PC: variants seen among roughly 807,000 people sequenced by gnomAD.
PC encodes pyruvate carboxylase, also known as pyruvate carboxylase, mitochondrial.
A neutral mutation model predicts 107.8 loss-of-function variants in PC; 46 were observed. That is an observed-to-expected ratio of 0.43 (90% confidence interval 0.34 to 0.55). The LOEUF (loss-of-function observed/expected upper bound fraction) is 0.55. Ranked by LOEUF, PC falls within the 20% of genes least tolerant of loss-of-function variation. The pLI is 0.04. For missense variants in PC, 1,241 were observed against 1,643.1 expected, an observed-to-expected ratio of 0.76 and a Z score of 4.23; for synonymous variants, 662 against 684.7, an observed-to-expected ratio of 0.97 and a Z score of 0.52.
chr11:66,932,998 T>C (rs1948899844), intron 3 of PC, among the ~76,000 whole-genome samples: 1 of 152,178 alleles, frequency 6.6e-6, no homozygotes, highest in African/African-American at 2.4e-5. Context: ...TCTTCCACCA[T>C]GCACCTAAAA....
Position 66,850,267 on chromosome 11 carries a change from T to G in PC, c.2671A>C (p.Lys891Gln), listed in dbSNP as rs1945399307. ...MGLGSKFKEVKKAYVEANQML... is the reference protein window; with the variant it reads ...MGLGSKFKEVQKAYVEANQML... The stretch of plus-strand genomic sequence containing the variant: ...TGGTTGGCCTCCACATAGGCCTTCT[T>G]GACCTCCTTGAACTTGGAGCCAAGC... Residue 891 changes from lysine (K) to glutamine (Q), a missense_variant, in exon 19 of 23, where the codon AAG (lysine) becomes CAG (glutamine). Physicochemically the swap from Lys to Gln is moderately conservative, Grantham distance 53. Coordinates refer to ENST00000393960, the MANE Select transcript of PC (RefSeq NM_001040716.2). 1 of 1,614,018 alleles carries G rather than the reference T, an allele frequency of 6.2e-7. No individual in the cohort carries two copies. Among genetic ancestry groups the G allele is most frequent in the Non-Finnish European group, 8.5e-7 (1 of 1,180,026 alleles).
intron 3 of PC, among the ~76,000 whole-genome samples, chr11:66,939,382 A>G (rs1028611519): frequency 5.3e-5 from 8 of 151,808 alleles, no homozygotes; most frequent in Admixed American, 1.3e-4. Flanking sequence ...TGGCATCCAT[A>G]GGGGGGTCTT....
chr11:66,859,755 A>G lies in PC; in HGVS notation c.1368+4019T>C, dbSNP rs145706724. 5 of 1,608,504 alleles carry G rather than the reference A, an allele frequency of 3.1e-6. No homozygotes were observed. The South Asian group carries it at 5.5e-5, about 18-fold the overall frequency. On this transcript the variant is annotated intron_variant, in intron 12 of 22. Coordinates refer to ENST00000393960, the MANE Select transcript of PC (RefSeq NM_001040716.2). The stretch of plus-strand genomic sequence containing the variant: ...TGGGCCCTCTGACCTCACGGCCACC[A>G]GGCTGCTGGGCTGTGCCCATTTCTC...
At chr11:66,869,273 C>T (rs918601492) in intron 9 of PC, among the ~76,000 whole-genome samples, 1 of 151,960 alleles carries the variant, frequency 6.6e-6, no homozygotes, top group Non-Finnish European at 1.5e-5. Flanking sequence ...TGCCCTGCTG[C>T]CTCCTGGGCT....
In PC at chr11:66,851,171, C is replaced by G. The variant is rs1213215560; in HGVS notation, c.2092G>C (p.Gly698Arg). 2 of 1,612,050 alleles carry G rather than the reference C, an allele frequency of 1.2e-6. No individual in the cohort carries two copies. Residue 698 changes from glycine to arginine, a missense_variant, in exon 17 of 23, where the codon GGC becomes CGC. Coordinates refer to ENST00000393960, the MANE Select transcript of PC (RefSeq NM_001040716.2). ...TATGAGATGGCAGCCTCCACCACGC[C>G]TCCGGCACTTCCTGCCGCCTCCATG... ...LGMEAAGSAGGVVEAAISYTG... is the reference protein window; with the variant it reads ...LGMEAAGSAGRVVEAAISYTG...
At chr11:66,888,293 C>T (rs1425676428) in intron 3 of PC, among the ~76,000 whole-genome samples, 1 of 152,170 alleles carries the variant, frequency 6.6e-6, no homozygotes, top group East Asian at 1.9e-4. Flanking sequence ...AAAACGCTTC[C>T]CAAGCTGGAG....
intron 3 of PC, among the ~76,000 whole-genome samples, chr11:66,882,885 C>A (rs1947233136): frequency 6.6e-6 from 1 of 152,210 alleles, no homozygotes; most frequent in African/African-American, 2.4e-5. Context: ...GATATCAAAG[C>A]ACCCAAGAGA....
chr11:66,897,160 CTGACCTCAGG>C (rs1555036934), intron 3 of PC, among the ~76,000 whole-genome samples: 1 of 152,172 alleles, frequency 6.6e-6, no homozygotes, highest in Non-Finnish European at 1.5e-5. Flanking sequence ...TCTCGAGCTC[CTGACCTCAGG>C]TGATCCACCT....
chr11:66,902,188 T>C (rs2136045850), intron 3 of PC, among the ~76,000 whole-genome samples: 1 of 152,332 alleles, frequency 6.6e-6, no homozygotes, highest in Non-Finnish European at 1.5e-5. Flanking sequence ...TATTCGTGAC[T>C]CCTAGGAGAA....
Position 66,871,135 on chromosome 11 carries a change from A to C in PC, c.550T>G (p.Ser184Ala). The C allele has an allele frequency of 6.2e-7, 1 of 1,613,916 alleles. No individual in the cohort carries two copies. The change falls in exon 7 of 23, where the codon TCC (serine) becomes GCC (alanine). Residue 184 changes from serine (S) to alanine (A), a missense_variant. By Grantham distance (99) the Ser-to-Ala change is moderately conservative. This residue lies in a region of PC where 1,143 missense variants were observed against 1,551.9 expected (regional missense o/e 0.74). Coordinates refer to ENST00000393960, the MANE Select transcript of PC (RefSeq NM_001040716.2). The surrounding 1 kb of genome is among the most constrained non-coding windows in gnomAD (Gnocchi z 7.4). ...ITSLHEAHEFSNTYGFPIIFK... is the reference protein window; with the variant it reads ...ITSLHEAHEFANTYGFPIIFK... ...ATGATGGGGAAGCCGTAGGTGTTGG[A>C]GAACTCGTGGGCCTCATGCAGGGAC... is the stretch of plus-strand genomic sequence containing the variant.
chr11:66,906,543 C>T (rs915175924), intron 3 of PC, among the ~76,000 whole-genome samples: 22 of 152,196 alleles, frequency 1.4e-4, no homozygotes, highest in African/African-American at 4.1e-4. Flanking sequence ...TTAACAATTG[C>T]TAATCCCGAG....
chr11:66,872,073 G>T lies in PC; in HGVS notation c.87C>A (p.Val29=), dbSNP rs777754654. The T allele has an allele frequency of 1.1e-5, 18 of 1,566,422 alleles. No individual in the cohort carries two copies. The highest frequency in any genetic ancestry group is 1.6e-5 in the Non-Finnish European group (18 of 1,155,826). Residue 29 remains valine (V), a synonymous_variant, in exon 4 of 23, where the codon GTC becomes GTA. Coordinates refer to ENST00000393960, the MANE Select transcript of PC (RefSeq NM_001040716.2). ...TGATGGGCTTATACTCCAGGCGCCG[G>T]ACATTTGGGGAGGCAGCGGGGGCGG... ...TSTAPAASPN[V]RRLEYKPIKK...
chr11:66,869,005 G>T, intron 9 of PC, 41 bp from the exon 10 acceptor site: 2 of 1,477,060 alleles, frequency 1.4e-6, no homozygotes, highest in Non-Finnish European at 9.5e-7. Flanking sequence ...GCACAGGCAG[G>T]GCCTGGGCAA....
intron 3 of PC, among the ~76,000 whole-genome samples, chr11:66,948,383 G>C (rs1471574605): frequency 2.0e-5 from 3 of 152,126 alleles, no homozygotes; most frequent in Non-Finnish European, 4.4e-5. Flanking sequence ...GCAGTTCCAT[G>C]GTTTCCTGAA....
Position 66,858,197 on chromosome 11 carries a change from C to CCTGT in PC, c.1369-4818_1369-4815dup. On this transcript the variant is annotated intron_variant, in intron 12 of 22. Coordinates refer to ENST00000393960, the MANE Select transcript of PC (RefSeq NM_001040716.2). This position sits in a 1 kb window ranked among gnomAD's most constrained non-coding sequence, Gnocchi z 5.9. ...TCCTAGAGAGCCTGGAGGACCTGGA[C>CCTGT]CTGTCCTACAACAACCTCCGGCAGG... 6.2e-7 allele frequency: 1 copy of CCTGT among 1,612,392 alleles called. No individual in the cohort carries two copies. The highest frequency in any genetic ancestry group is 8.5e-7 in the Non-Finnish European group (1 of 1,179,772).
In PC at chr11:66,926,749, G is replaced by A. The variant is rs537132710; in HGVS notation, c.-1+25681C>T. ...ACCCACCCCCAGCCCCTGGCAACCA[G>A]TAATCTGCTTTCCATCTCTATGGCC... On this transcript the variant is annotated intron_variant, in intron 3 of 22. Coordinates refer to ENST00000393960, the MANE Select transcript of PC (RefSeq NM_001040716.2). Among the ~76,000 whole-genome samples the A allele has an allele frequency of 2.2e-3, 273 of 121,884 alleles. 1 individual carries two copies. The highest frequency in any genetic ancestry group is 8.3e-3 in the African/African-American group (266 of 32,194). The allele number at this position is 121,884 out of a possible 152,430, so 80.0% of individuals were successfully genotyped here.
intron 12 of PC, among the ~76,000 whole-genome samples, chr11:66,854,609 G>A (rs149528797): frequency 6.6e-6 from 1 of 152,292 alleles, no homozygotes; most frequent in African/African-American, 2.4e-5. Context: ...AGCATGGCCT[G>A]TGGCTGTGTA....
At chr11:66,872,481 C>T (rs1228602262) in intron 3 of PC, among the ~76,000 whole-genome samples, 8 of 151,986 alleles carry the variant, frequency 5.3e-5, no homozygotes, top group African/African-American at 1.5e-4. Flanking sequence ...TGTGAGCTGC[C>T]GTACCCAGCA....
At chr11:66,954,180 G>A (rs1256812616) in intron 2 of PC, 69 bp downstream of exon 2, 1 of 152,166 alleles carries the variant, frequency 6.6e-6, no homozygotes, top group Non-Finnish European at 1.5e-5. Flanking sequence ...GCAGAGGGGG[G>A]ACCGTGAGAA....
Sources: gnomAD v4.1 joint callset for allele counts (sites outside exome capture counted in the v4.1 genomes callset) on GRCh38, gnomAD v4.1.1 for gene constraint, gnomAD v4.1.1 regional missense constraint, Gnocchi (gnomAD v3.1) non-coding constraint, MANE v1.5 for transcripts, NCBI Gene and HGNC (gene_info 2026-07-23, HGNC 2026-07-21) for gene names.